RYR2: variants seen among roughly 807,000 people sequenced by gnomAD.
RYR2 encodes cardiac muscle ryanodine receptor-calcium release channel.
In RYR2, 227 loss-of-function variants were observed where a neutral mutation model predicts 601.1. The ratio of observed to expected loss-of-function variants is 0.38; its 90% CI spans 0.34 to 0.42. The LOEUF is 0.42. RYR2 is among the 10% of genes least tolerant of loss of function. RYR2 has a pLI of 1.00. For synonymous variants in RYR2, 2,223 were observed against 2,175.1 expected, an observed-to-expected ratio of 1.02 and a Z score of -0.61; for missense variants, 4,646 against 6,156.5, an observed-to-expected ratio of 0.75 and a Z score of 8.21.
At chr1:237,501,646 A>G (rs958263186) in intron 21 of RYR2, among the ~76,000 whole-genome samples, 8 of 152,246 alleles carry the variant, frequency 5.3e-5, no homozygotes, top group African/African-American at 1.7e-4. Flanking sequence ...CCCAGGAATA[A>G]TTCCTAGTTA....
At chr1:237,779,947 T>G (rs1694964797) in intron 88 of RYR2, among the ~76,000 whole-genome samples, 1 of 152,196 alleles carries the variant, frequency 6.6e-6, no homozygotes, top group Admixed American at 6.5e-5. Flanking sequence ...TTAGACCAGC[T>G]ATGTCTGCTA....
At chr1:237,506,590 G>T in intron 22 of RYR2, 120 bp from the exon 23 acceptor site, 1 of 609,564 alleles carries the variant, frequency 1.6e-6, no homozygotes, top group Non-Finnish European at 2.8e-6. Context: ...TTAGAACTTT[G>T]TTCTATGATT....
At chr1:237,787,747 CCTATAAAATGTCCTCTATA>C (rs889894785) in intron 91 of RYR2, among the ~76,000 whole-genome samples, 9 of 151,892 alleles carry the variant, frequency 5.9e-5, no homozygotes, top group African/African-American at 2.2e-4. Context: ...ATTCTTCAAG[CCTATAAAATGTCCTCTATA>C]TTTCAACTTC....
intron 25 of RYR2, among the ~76,000 whole-genome samples, chr1:237,540,341 A>T (rs1669118326): frequency 6.6e-6 from 1 of 152,188 alleles, no homozygotes; most frequent in African/African-American, 2.4e-5. Context: ...CATTCATTTA[A>T]ACTTTCATTT....
chr1:237,176,787 A>G (rs1232377438), intron 1 of RYR2, among the ~76,000 whole-genome samples: 2 of 152,190 alleles, frequency 1.3e-5, no homozygotes, highest in African/African-American at 4.8e-5. Flanking sequence ...ATTTTGATAC[A>G]GTTGGTAACC....
At chr1:237,176,823 G>A (rs1357494584) in intron 1 of RYR2, among the ~76,000 whole-genome samples, 1 of 152,128 alleles carries the variant, frequency 6.6e-6, no homozygotes, top group Non-Finnish European at 1.5e-5. Flanking sequence ...ATTGCTGTGT[G>A]TCTGGTAAAG....
intron 1 of RYR2, among the ~76,000 whole-genome samples, chr1:237,072,613 C>CT (rs1244944481): frequency 6.6e-6 from 1 of 151,978 alleles, no homozygotes; most frequent in Non-Finnish European, 1.5e-5. Context: ...TTTGGAAACT[C>CT]GTATTTAATC....
intron 80 of RYR2, among the ~76,000 whole-genome samples, chr1:237,746,906 C>G (rs1368526190): frequency 2.0e-5 from 3 of 151,866 alleles, no homozygotes; most frequent in African/African-American, 7.2e-5. Flanking sequence ...TTTTTCTGAG[C>G]ATTATGGGTT....
chr1:237,113,401 A>G lies in RYR2; in HGVS notation c.48+70832A>G, dbSNP rs1470229580. Among the ~76,000 whole-genome samples the G allele has an allele frequency of 4.6e-5, 7 of 151,812 alleles. No homozygotes were observed. In the South Asian group the frequency reaches 1.0e-3, roughly 23 times the overall value. ...TTTTTAGTAGAGATGAGTTTTCACC[A>G]TGTTGACCAGGCTGGTCTCGAACTC... On this transcript the variant is annotated intron_variant, in intron 1 of 104. Transcript: ENST00000366574.
rs765369749 is a variant in RYR2, at chr1:237,590,842, A to G, written c.4010A>G (p.Tyr1337Cys). 30 of 1,613,706 alleles carry G rather than the reference A, an allele frequency of 1.9e-5. No homozygotes were observed. Among genetic ancestry groups the G allele is most frequent in the Middle Eastern group, 1.6e-4 (1 of 6,084 alleles). Residue 1337 changes from tyrosine (Y) to cysteine (C), a missense_variant, in exon 31 of 105, where the codon TAT becomes TGT. Around this residue, in one of 17 missense-constraint regions of RYR2, gnomAD observed 1,807 missense variants for 2,088.1 expected, o/e 0.87. Coordinates refer to ENST00000366574, the MANE Select transcript of RYR2 (RefSeq NM_001035.3). ...LFGPKNDLED[Y>C]DADSDFEVLM... The stretch of plus-strand genomic sequence containing the variant: ...GGGCCCAAGAATGACTTGGAAGATT[A>G]TGATGCTGATTCTGACTTTGAGGTT...
At chr1:237,587,075 T>A (rs1273013701) in intron 29 of RYR2, among the ~76,000 whole-genome samples, 2 of 152,208 alleles carry the variant, frequency 1.3e-5, no homozygotes. Context: ...TTGCCCTGGA[T>A]CTGTGTTAGT....
At chr1:237,506,636 G>T (rs1665290218) in intron 22 of RYR2, 74 bp from the exon 23 acceptor site, 2 of 941,718 alleles carry the variant, frequency 2.1e-6, no homozygotes, top group East Asian at 2.6e-5. Context: ...AGTTCAATTT[G>T]CAGTGAAGAC....
At chr1:237,397,815 A>G (rs1304397969) in intron 10 of RYR2, among the ~76,000 whole-genome samples, 7 of 148,314 alleles carry the variant, frequency 4.7e-5, no homozygotes, top group Admixed American at 6.7e-5. Context: ...TCCGCCTCCC[A>G]GGTTCACGCC....
chr1:237,328,002 A>T (rs1696326726), intron 2 of RYR2, among the ~76,000 whole-genome samples: 1 of 152,240 alleles, frequency 6.6e-6, no homozygotes, highest in Admixed American at 6.5e-5. Flanking sequence ...GTCTAATGGC[A>T]CGCTGGAAAC....
At chr1:237,243,932 G>A (rs1686490646) in intron 1 of RYR2, among the ~76,000 whole-genome samples, 1 of 152,208 alleles carries the variant, frequency 6.6e-6, no homozygotes, top group Non-Finnish European at 1.5e-5. Context: ...CTGTGAGATA[G>A]GCAGAGAGAG....
At chr1:237,262,245 G>GTTGTTTTTTTTTTT (rs1688599609) in intron 1 of RYR2, among the ~76,000 whole-genome samples, 3 of 61,106 alleles carry the variant, frequency 4.9e-5, no homozygotes, top group African/African-American at 1.8e-4. Context: ...GTTCTAAAGA[G>GTTGTTTTTTTTTTT]TTTTTTTTTT....
At chr1:237,413,413 A>G (rs1178554866) in intron 10 of RYR2, among the ~76,000 whole-genome samples, 1 of 152,182 alleles carries the variant, frequency 6.6e-6, no homozygotes, top group Non-Finnish European at 1.5e-5. Context: ...ATAAAAGATC[A>G]TTGTTAAATT....
chr1:237,538,367 C>A (rs996032462), intron 25 of RYR2, among the ~76,000 whole-genome samples: 3 of 126,708 alleles, frequency 2.4e-5, no homozygotes, highest in Non-Finnish European at 4.7e-5. Context: ...TGCACTCCAG[C>A]CTGGGTGACA....
At chr1:237,482,959 C>T (rs1380523846) in intron 17 of RYR2, among the ~76,000 whole-genome samples, 1 of 152,140 alleles carries the variant, frequency 6.6e-6, no homozygotes, top group Non-Finnish European at 1.5e-5. Context: ...TCCTTCACTG[C>T]ATTTTTGACT....
Sources: allele counts gnomAD v4.1 joint callset (sites outside exome capture counted in the v4.1 genomes callset), GRCh38; gene constraint gnomAD v4.1.1; regional missense constraint gnomAD v4.1.1; transcripts MANE v1.5; gene names NCBI Gene and HGNC (gene_info 2026-07-23, HGNC 2026-07-21).